Variants in MYO5A observed in about 807,000 individuals in gnomAD.
MYO5A encodes the protein myosin VA, also known as unconventional myosin-Va.
Under a neutral mutation model 249.7 loss-of-function variants are expected in MYO5A, and 98 were observed. The ratio of observed to expected loss-of-function variants is 0.39; its 90% CI spans 0.33 to 0.46. MYO5A has a LOEUF of 0.46. Ranked by LOEUF, MYO5A falls within the 20% of genes least tolerant of loss-of-function variation. The pLI, the probability that MYO5A is intolerant of heterozygous loss-of-function variation, is 0.98. For synonymous variants in MYO5A, 778 were observed against 810.6 expected, an observed-to-expected ratio of 0.96 and a Z score of 0.68; for missense variants, 1,696 against 2,308.8, an observed-to-expected ratio of 0.73 and a Z score of 5.44.
At chr15:52,523,855 C>A (rs146480671) in intron 1 of MYO5A, among the ~76,000 whole-genome samples, 8 of 151,728 alleles carry the variant, frequency 5.3e-5, no homozygotes, top group Admixed American at 4.6e-4. Context: ...CAAGTCAGGG[C>A]ACATGATCAG....
chr15:52,314,484 C>T (rs748820696), intron 40 of MYO5A, among the ~76,000 whole-genome samples: 2 of 152,134 alleles, frequency 1.3e-5, no homozygotes, highest in African/African-American at 4.8e-5. Context: ...AATAAATGTC[C>T]GCACTTCCAT....
rs529065045 is a variant in MYO5A, at chr15:52,456,209, A to G, written c.28-22924T>C. 1.3e-4 allele frequency among the ~76,000 whole-genome samples: 20 copies of G among 152,318 alleles called. No individual in the cohort carries two copies. In the South Asian group the frequency reaches 4.1e-3, roughly 32 times the overall value. On this transcript the variant is annotated intron_variant, in intron 1 of 41. Transcript: ENST00000399233. ...AGAAATCAAGAAATTAACCCCATTC[A>G]CAACTGCTACAAATAATATAAAATA...
At chr15:52,516,607 C>G (rs1195222583) in intron 1 of MYO5A, among the ~76,000 whole-genome samples, 1 of 152,194 alleles carries the variant, frequency 6.6e-6, no homozygotes, top group Non-Finnish European at 1.5e-5. Context: ...GACCTGAAGG[C>G]CTCACTAATC....
At chr15:52,397,943 G>T (rs1724578) in intron 9 of MYO5A, among the ~76,000 whole-genome samples, 110,821 of 151,650 alleles carry the variant, frequency 0.73, 42,287 homozygotes, top group Non-Finnish European at 0.83. Flanking sequence ...CATGTGAGAG[G>T]AATATGTTCT....
At chr15:52,393,317 CAT>C (rs1220372663) in intron 11 of MYO5A, among the ~76,000 whole-genome samples, 1 of 152,182 alleles carries the variant, frequency 6.6e-6, no homozygotes, top group African/African-American at 2.4e-5. Flanking sequence ...ATACTCTCCT[CAT>C]GTGTCTGGAA....
intron 34 of MYO5A, among the ~76,000 whole-genome samples, chr15:52,335,565 A>G (rs1289224746): frequency 1.3e-5 from 2 of 150,752 alleles, no homozygotes; most frequent in African/African-American, 2.4e-5. Flanking sequence ...AGCCTTGTTC[A>G]CTGCTAGATC....
chr15:52,331,378 G>T (rs1423217152), intron 34 of MYO5A, among the ~76,000 whole-genome samples: 1 of 152,090 alleles, frequency 6.6e-6, no homozygotes, highest in African/African-American at 2.4e-5. Flanking sequence ...ATTGAGACTT[G>T]AGTGGGAAAT....
At chr15:52,460,534 C>A (rs1421839824) in intron 1 of MYO5A, among the ~76,000 whole-genome samples, 1 of 152,202 alleles carries the variant, frequency 6.6e-6, no homozygotes, top group Non-Finnish European at 1.5e-5. Flanking sequence ...CAATCCCAGG[C>A]ACTCGGCAGG....
chr15:52,395,222 C>T (rs1330460418), intron 11 of MYO5A, among the ~76,000 whole-genome samples: 1 of 152,110 alleles, frequency 6.6e-6, no homozygotes, highest in African/African-American at 2.4e-5. Flanking sequence ...CACTATGAAA[C>T]ACCTAGTGAT....
At chr15:52,444,203 A>G (rs1437688375) in intron 1 of MYO5A, among the ~76,000 whole-genome samples, 1 of 152,230 alleles carries the variant, frequency 6.6e-6, no homozygotes, top group East Asian at 1.9e-4. Context: ...CATTCGTGTA[A>G]AGATTATTTT....
At chr15:52,358,792 T>TAA (rs58240010) in intron 25 of MYO5A, among the ~76,000 whole-genome samples, 2 of 149,290 alleles carry the variant, frequency 1.3e-5, no homozygotes, top group Non-Finnish European at 3.0e-5. Context: ...TACTGTTTTT[T>TAA]AAAAAAAAAA....
chr15:52,315,599 C>A (rs2037965810), intron 40 of MYO5A, among the ~76,000 whole-genome samples: 1 of 145,422 alleles, frequency 6.9e-6, no homozygotes, highest in Admixed American at 6.9e-5. Context: ...GTCTTGAACT[C>A]CTGACCTCAG....
At chr15:52,458,964 A>G (rs958676685) in intron 1 of MYO5A, among the ~76,000 whole-genome samples, 1 of 150,108 alleles carries the variant, frequency 6.7e-6, no homozygotes, top group Non-Finnish European at 1.5e-5. Flanking sequence ...AAGCTTGACA[A>G]TTTTTTTTTC....
At chr15:52,337,533 TAA>T (rs2039174283) in intron 33 of MYO5A, among the ~76,000 whole-genome samples, 1 of 152,262 alleles carries the variant, frequency 6.6e-6, no homozygotes, top group Non-Finnish European at 1.5e-5. Context: ...TTCAAAGTGT[TAA>T]GTTGTACTTC....
intron 1 of MYO5A, among the ~76,000 whole-genome samples, chr15:52,495,335 A>G (rs550369692): frequency 6.6e-6 from 1 of 152,180 alleles, no homozygotes; most frequent in Non-Finnish European, 1.5e-5. Flanking sequence ...TTATATGTGG[A>G]TTGTAAAAAA....
intron 1 of MYO5A, among the ~76,000 whole-genome samples, chr15:52,459,698 G>A (rs560418665): frequency 2.1e-4 from 32 of 152,364 alleles, no homozygotes; most frequent in Admixed American, 1.8e-3. Context: ...CTCCCAGACG[G>A]GGTGGCTGCC....
intron 1 of MYO5A, among the ~76,000 whole-genome samples, chr15:52,524,695 T>A (rs11854405): frequency 0.15 from 22,935 of 151,586 alleles, 1,849 homozygotes; most frequent in Middle Eastern, 0.22. Flanking sequence ...CTGGGCAACA[T>A]ACTGAGACTA....
At chr15:52,457,977 T>C (rs984508479) in intron 1 of MYO5A, among the ~76,000 whole-genome samples, 1 of 152,148 alleles carries the variant, frequency 6.6e-6, no homozygotes, top group African/African-American at 2.4e-5. Context: ...CTGGAGGTCA[T>C]TAAGTTGAGT....
chr15:52,505,686 A>G, intron 1 of MYO5A: 1 of 1,253,418 alleles, frequency 8.0e-7, no homozygotes, highest in Non-Finnish European at 1.2e-6. Context: ...GCATTCAAGC[A>G]GACGTCTTAG....
Sources: gnomAD v4.1 joint callset for allele counts (sites outside exome capture counted in the v4.1 genomes callset) on GRCh38, gnomAD v4.1.1 for gene constraint, MANE v1.5 for transcripts, NCBI Gene and HGNC (gene_info 2026-07-23, HGNC 2026-07-21) for gene names.